The following ZFYVE9 variants were observed in gnomAD, a reference collection of about 807,000 sequenced individuals.
ZFYVE9 encodes zinc finger FYVE-type containing 9.
In ZFYVE9, 43 loss-of-function variants were observed where a neutral mutation model predicts 126.7. The ratio of observed to expected loss-of-function variants is 0.34; its 90% confidence interval spans 0.27 to 0.44. The LOEUF (loss-of-function observed/expected upper bound fraction) is 0.44, where lower values mean the gene tolerates loss of function less well. ZFYVE9 is among the 20% of genes least tolerant of loss of function. The pLI is 1.00. For synonymous variants in ZFYVE9, 521 were observed against 597.4 expected, an observed-to-expected ratio of 0.87 and a Z score of 1.87; for missense variants, 1,476 against 1,697.0, an observed-to-expected ratio of 0.87 and a Z score of 2.29.
chr1:52,161,086 T>TC (rs1644453509), intron 1 of ZFYVE9, among the ~76,000 whole-genome samples: 3 of 152,150 alleles, frequency 2.0e-5, no homozygotes, highest in Admixed American at 1.3e-4. Flanking sequence ...AGACTACTTT[T>TC]CCCCACATGT....
intron 14 of ZFYVE9, 41 bp from the exon 15 acceptor site, chr1:52,334,647 T>C: frequency 6.3e-7 from 1 of 1,593,520 alleles, no homozygotes; most frequent in Admixed American, 1.7e-5. Context: ...TCCCTCCAGC[T>C]TAGGGTCTGT....
intron 2 of ZFYVE9, among the ~76,000 whole-genome samples, chr1:52,217,289 A>T (rs540328326): frequency 5.2e-4 from 79 of 151,850 alleles, no homozygotes; most frequent in African/African-American, 1.9e-3. Context: ...TAAATGTGAG[A>T]TTTGTGAAGG....
rs749242189 is a variant in ZFYVE9, at chr1:52,238,533, T to A, written c.1116T>A (p.Asn372Lys). 14 of 1,613,962 alleles carry A rather than the reference T, an allele frequency of 8.7e-6. No individual in the cohort carries two copies. The South Asian group carries it at 1.5e-4, about 18-fold the overall frequency. The change falls in exon 4 of 19, where the codon AAT becomes AAA. Residue 372 changes from asparagine to lysine, a missense_variant. Transcript: ENST00000287727. ...LVPNEVRADE[N>K]EGYEHEETLG... ...CTAATGAAGTTAGGGCTGATGAAAA[T>A]GAAGGTTATGAACATGAAGAAACTC... is the stretch of plus-strand genomic sequence containing the variant.
At chr1:52,337,974 T>G in intron 16 of ZFYVE9, 40 bp downstream of exon 16, 5 of 1,592,334 alleles carry the variant, frequency 3.1e-6, no homozygotes, top group Non-Finnish European at 2.6e-6. Context: ...CTTTTAGTTA[T>G]AGGTTAGGCT....
At chr1:52,246,126 AC>A (rs1474054550) in intron 4 of ZFYVE9, among the ~76,000 whole-genome samples, 1 of 151,960 alleles carries the variant, frequency 6.6e-6, no homozygotes, top group Non-Finnish European at 1.5e-5. Flanking sequence ...ACAGGATTTC[AC>A]CGTGTTGCCT....
intron 15 of ZFYVE9, among the ~76,000 whole-genome samples, chr1:52,335,629 C>G (rs1193460332): frequency 6.6e-6 from 1 of 152,024 alleles, no homozygotes; most frequent in African/African-American, 2.4e-5. Flanking sequence ...TGTGACCCAC[C>G]CTTTAAAGTT....
chr1:52,273,286 C>T (rs987626427), intron 7 of ZFYVE9, among the ~76,000 whole-genome samples: 1 of 152,096 alleles, frequency 6.6e-6, no homozygotes, highest in Non-Finnish European at 1.5e-5. Context: ...GGATTACAGG[C>T]GTGAGCCACC....
At chr1:52,175,776 G>C (rs971100898) in intron 1 of ZFYVE9, among the ~76,000 whole-genome samples, 1 of 151,974 alleles carries the variant, frequency 6.6e-6, no homozygotes, top group African/African-American at 2.4e-5. Flanking sequence ...CACTGAAACC[G>C]TTTCTTCCAG....
At chr1:52,148,756 C>T (rs1191529472) in intron 1 of ZFYVE9, among the ~76,000 whole-genome samples, 28 of 151,280 alleles carry the variant, frequency 1.9e-4, no homozygotes. Context: ...ATCCTCCTGC[C>T]TCAACCTCCC....
At chr1:52,147,483 A>C (rs1644315789) in intron 1 of ZFYVE9, among the ~76,000 whole-genome samples, 2 of 152,322 alleles carry the variant, frequency 1.3e-5, no homozygotes, top group South Asian at 4.1e-4. Context: ...CATTTCATGT[A>C]AGTGGAATCA....
chr1:52,275,209 A>C lies in ZFYVE9; in HGVS notation c.2746+625A>C, dbSNP rs528475624. On this transcript the variant is annotated intron_variant, in intron 8 of 18. Coordinates refer to ENST00000287727, the MANE Select transcript of ZFYVE9 (RefSeq NM_004799.4). ...TGATCCTGTCACCCAGGTAGTGAGC[A>C]TAGTACCCAATGGGTAATTTTTTTT... 7.2e-5 allele frequency among the ~76,000 whole-genome samples: 11 copies of C among 152,308 alleles called. No homozygotes were observed. The South Asian group carries it at 1.7e-3, about 23-fold the overall frequency.
At chr1:52,273,811 T>A (rs1187835139) in intron 7 of ZFYVE9, among the ~76,000 whole-genome samples, 1 of 123,588 alleles carries the variant, frequency 8.1e-6, no homozygotes, top group East Asian at 2.3e-4. Flanking sequence ...AGAGTGAGAC[T>A]CCTTCTCAAA....
At chr1:52,267,884 A>G (rs1190467626) in intron 6 of ZFYVE9, among the ~76,000 whole-genome samples, 1 of 152,238 alleles carries the variant, frequency 6.6e-6, no homozygotes, top group African/African-American at 2.4e-5. Flanking sequence ...TTGCACTGCC[A>G]GATCAGTCTT....
intron 4 of ZFYVE9, among the ~76,000 whole-genome samples, chr1:52,240,751 G>C (rs1005385157): frequency 1.3e-5 from 2 of 152,128 alleles, no homozygotes; most frequent in Admixed American, 1.3e-4. Flanking sequence ...GGGGGCAAAA[G>C]AGCCTACTCT....
chr1:52,304,561 C>A (rs1415600668), intron 13 of ZFYVE9, among the ~76,000 whole-genome samples: 3 of 152,124 alleles, frequency 2.0e-5, no homozygotes, highest in Admixed American at 6.6e-5. Context: ...CTGTGCCCAG[C>A]CGGGTTTCTT....
At chr1:52,183,450 C>T (rs1420516297) in intron 1 of ZFYVE9, among the ~76,000 whole-genome samples, 1 of 152,070 alleles carries the variant, frequency 6.6e-6, no homozygotes, top group African/African-American at 2.4e-5. Context: ...AAATTGAGAC[C>T]TGTGTTTGTA....
intron 1 of ZFYVE9, among the ~76,000 whole-genome samples, chr1:52,158,872 A>G (rs1417464309): frequency 2.0e-5 from 3 of 151,076 alleles, no homozygotes; most frequent in Non-Finnish European, 4.4e-5. Flanking sequence ...GGCTCACTGT[A>G]AGCTCCGCCT....
At chr1:52,297,627 G>A (rs938856360) in intron 12 of ZFYVE9, among the ~76,000 whole-genome samples, 4 of 151,858 alleles carry the variant, frequency 2.6e-5, no homozygotes, top group Non-Finnish European at 4.4e-5. Context: ...CTTTTCGGTT[G>A]CTTTTTGAGG....
intron 17 of ZFYVE9, among the ~76,000 whole-genome samples, chr1:52,341,043 A>T (rs1040575383): frequency 6.6e-6 from 1 of 152,108 alleles, no homozygotes; most frequent in Non-Finnish European, 1.5e-5. Flanking sequence ...CAACATGGAG[A>T]AACCCCGTCT....
Sources: gnomAD v4.1 joint callset for allele counts (sites outside exome capture counted in the v4.1 genomes callset) on GRCh38, gnomAD v4.1.1 for gene constraint, MANE v1.5 for transcripts, NCBI Gene and HGNC (gene_info 2026-07-23, HGNC 2026-07-21) for gene names.